Variants in ZFHX3 observed in about 807,000 individuals in gnomAD.
ZFHX3 encodes zinc finger homeobox 3, also known as zinc finger homeobox protein 3.
A neutral mutation model predicts 279.1 loss-of-function variants in ZFHX3; 42 were observed. The ratio of observed to expected loss-of-function variants is 0.15; its 90% CI spans 0.12 to 0.19. The LOEUF (loss-of-function observed/expected upper bound fraction) is 0.19. Among genes scored for constraint, ZFHX3 ranks in the 10% least tolerant of loss-of-function variants. The pLI, the probability that ZFHX3 is intolerant of heterozygous loss-of-function variation, is 1.00. For synonymous variants in ZFHX3, 2,293 were observed against 1,957.8 expected (o/e 1.17, Z -4.52); for missense variants, 4,981 against 4,754.0 (o/e 1.05, Z -1.40).
Position 73,488,247 on chromosome 16 carries a change from C to T in ZFHX3, c.-1546-31989G>A, listed in dbSNP as rs9933786. On this transcript the variant is annotated intron_variant, in intron 2 of 17. Transcript: ENST00000641206. ...GAATGGTGCCATCCTTTAGGGCTGG[C>T]TGATCAGAAGTGTTGCAATACCAGG... 2.6e-5 allele frequency among the ~76,000 whole-genome samples: 4 copies of T among 152,240 alleles called. No individual in the cohort carries two copies. In the South Asian group the frequency reaches 8.3e-4, roughly 32 times the overall value.
chr16:73,300,102 G>A lies in ZFHX3; in HGVS notation c.-1194+18138C>T, dbSNP rs113694290. On this transcript the variant is annotated intron_variant, in intron 4 of 17. Transcript: ENST00000641206. ...TACTTGGCAAGACAAAGGACAAAAA[G>A]TAAACTAATCAGCTGGGCATGGTGG... is the stretch of plus-strand genomic sequence containing the variant. Among the ~76,000 whole-genome samples the A allele has an allele frequency of 3.0e-3, 450 of 152,148 alleles. 2 individuals are homozygous for A. The highest frequency in any genetic ancestry group is 0.01 in the African/African-American group (428 of 41,522).
intron 3 of ZFHX3, among the ~76,000 whole-genome samples, chr16:72,899,607 A>G (rs2038982420): frequency 6.6e-6 from 1 of 152,178 alleles, no homozygotes. Context: ...ACTGTTGCCA[A>G]TAATGATGGT....
intron 3 of ZFHX3, among the ~76,000 whole-genome samples, chr16:73,322,029 C>T (rs777468104): frequency 2.0e-5 from 3 of 152,206 alleles, no homozygotes; most frequent in Non-Finnish European, 4.4e-5. Context: ...GATTTCCCAA[C>T]CAAAAGGCAT....
chr16:73,243,938 G>A (rs1236028936), intron 5 of ZFHX3, among the ~76,000 whole-genome samples: 1 of 152,236 alleles, frequency 6.6e-6, no homozygotes, highest in Non-Finnish European at 1.5e-5. Context: ...AGATGGTAGA[G>A]AATGCCGGTA....
At chr16:73,143,701 C>A in intron 6 of ZFHX3, 1 of 1,262,530 alleles carries the variant, frequency 7.9e-7, no homozygotes, top group Non-Finnish European at 1.1e-6. Context: ...TGCGTTAACT[C>A]ACCTGGTATA....
At chr16:73,314,318 T>C (rs1279828554) in intron 4 of ZFHX3, among the ~76,000 whole-genome samples, 1 of 152,220 alleles carries the variant, frequency 6.6e-6, no homozygotes, top group East Asian at 1.9e-4. Flanking sequence ...TCCCAGCCTC[T>C]ATACTCACTC....
chr16:73,407,177 T>C (rs941457035), intron 3 of ZFHX3, among the ~76,000 whole-genome samples: 1 of 152,196 alleles, frequency 6.6e-6, no homozygotes, highest in Non-Finnish European at 1.5e-5. Flanking sequence ...AGGACCTCCC[T>C]ACCTCCAGCC....
At position 73,529,632 on chromosome 16, in the gene ZFHX3, G is replaced by A. The variant is rs1019975733; in HGVS notation, c.-1546-73374C>T. ...CCAGGGGACAAATGGGAAAATATCCGTCAGAATCTAAAGAATAATTCCAGA... is the reference window on the plus strand; with the variant it reads ...CCAGGGGACAAATGGGAAAATATCCATCAGAATCTAAAGAATAATTCCAGA... On this transcript the variant is annotated intron_variant, in intron 2 of 17. Transcript: ENST00000641206. 4.6e-5 allele frequency among the ~76,000 whole-genome samples: 7 copies of A among 152,136 alleles called. No homozygotes were observed. In the South Asian group the frequency reaches 6.2e-4, roughly 14 times the overall value.
chr16:73,634,688 A>G (rs1400660077), intron 2 of ZFHX3, among the ~76,000 whole-genome samples: 1 of 152,012 alleles, frequency 6.6e-6, no homozygotes, highest in Non-Finnish European at 1.5e-5. Flanking sequence ...GGCCTACAGT[A>G]TAGAAATACA....
intron 3 of ZFHX3, among the ~76,000 whole-genome samples, chr16:73,333,288 C>T (rs1046586834): frequency 2.7e-4 from 41 of 151,810 alleles, no homozygotes; most frequent in African/African-American, 7.0e-4. Context: ...TAGATAGACA[C>T]GTAGTAGACA....
At position 73,330,715 on chromosome 16, in the gene ZFHX3, T is replaced by A. The variant is rs1432369823; in HGVS notation, c.-1290-12379A>T. 2.0e-5 allele frequency among the ~76,000 whole-genome samples: 3 copies of A among 152,000 alleles called. 1 individual carries two copies. Among genetic ancestry groups the A allele is most frequent in the African/African-American group, 7.3e-5 (3 of 41,378 alleles). On this transcript the variant is annotated intron_variant, in intron 3 of 17. Coordinates refer to the ZFHX3 transcript ENST00000641206. Reference sequence around the variant, plus strand: ...GTTGATGCTGAGATTGAGGGGAGGATGGGTCATTATCAAATATTTATGATT... The same window carrying A: ...GTTGATGCTGAGATTGAGGGGAGGAAGGGTCATTATCAAATATTTATGATT...
At chr16:73,423,900 A>T (rs189556676) in intron 3 of ZFHX3, among the ~76,000 whole-genome samples, 628 of 151,128 alleles carry the variant, frequency 4.2e-3, no homozygotes, top group Admixed American at 8.0e-3. Flanking sequence ...CTAGAAATTG[A>T]TGCTTCCTTT....
chr16:73,241,738 C>G (rs1234390613), intron 5 of ZFHX3, among the ~76,000 whole-genome samples: 2 of 125,398 alleles, frequency 1.6e-5, no homozygotes, highest in East Asian at 5.1e-4. Context: ...TGCGGTGAAG[C>G]AAGATCGTGC....
rs1048194019 is a variant in ZFHX3, at chr16:73,798,259, T to A, written c.-1608+93392A>T. ...ATGGAAAACATGGTCTCTGCTGGCA[T>A]CAGAATTCCTCTGGGGGTGGGGAGG... On this transcript the variant is annotated intron_variant, in intron 1 of 17. Transcript: ENST00000641206. Among the ~76,000 whole-genome samples the A allele has an allele frequency of 3.3e-5, 5 of 152,172 alleles. No homozygotes were observed. In the South Asian group the frequency reaches 8.3e-4, roughly 25 times the overall value.
At chr16:73,174,391 G>C (rs1967612327) in intron 5 of ZFHX3, among the ~76,000 whole-genome samples, 2 of 152,154 alleles carry the variant, frequency 1.3e-5, no homozygotes, top group African/African-American at 4.8e-5. Context: ...GCAGGATCCT[G>C]GTCAGATACC....
At chr16:73,687,141 C>A (rs1259170137) in intron 1 of ZFHX3, among the ~76,000 whole-genome samples, 1 of 145,234 alleles carries the variant, frequency 6.9e-6, no homozygotes, top group Non-Finnish European at 1.5e-5. Context: ...GTAATCCCAA[C>A]AGTATGGGAG....
At chr16:73,746,874 T>C (rs576870928) in intron 1 of ZFHX3, among the ~76,000 whole-genome samples, 78 of 152,366 alleles carry the variant, frequency 5.1e-4, no homozygotes, top group African/African-American at 1.8e-3. Context: ...TCTTTTTTCC[T>C]TATTGCCAAA....
chr16:72,860,776 A>G (rs1440422496), intron 4 of ZFHX3, among the ~76,000 whole-genome samples: 2 of 152,086 alleles, frequency 1.3e-5, no homozygotes, highest in Non-Finnish European at 2.9e-5. Context: ...CACCCTATGG[A>G]CCGCCCTCAC....
intron 2 of ZFHX3, among the ~76,000 whole-genome samples, chr16:73,557,573 G>A (rs1567518249): frequency 6.6e-6 from 1 of 152,264 alleles, no homozygotes; most frequent in South Asian, 2.1e-4. Context: ...GACCATATAG[G>A]GTAACTTCCT....
Sources: gnomAD v4.1 joint callset for allele counts (sites outside exome capture counted in the v4.1 genomes callset) on GRCh38, gnomAD v4.1.1 for gene constraint, MANE v1.5 for transcripts, NCBI Gene and HGNC (gene_info 2026-07-23, HGNC 2026-07-21) for gene names.